CCDC7: variants seen among roughly 807,000 people sequenced by gnomAD.
CCDC7 encodes coiled-coil domain containing 7, also known as coiled-coil domain-containing protein 7.
CCDC7 carries 183 observed loss-of-function variants against 196.9 expected under a neutral mutation model. The observed-to-expected ratio is 0.93, with a 90% CI of 0.82 to 1.05. The LOEUF is 1.05. CCDC7 is among the 50% of genes least tolerant of loss of function. The probability of loss-of-function intolerance (pLI) is 0.00; values close to 1 mark genes in which losing one functional copy is unlikely to be tolerated. For synonymous variants in CCDC7, 525 were observed against 484.6 expected, an observed-to-expected ratio of 1.08 and a Z score of -1.10; for missense variants, 1,540 against 1,482.2, an observed-to-expected ratio of 1.04 and a Z score of -0.64.
chr10:32,638,696 C>G, intron 20 of CCDC7, among the ~76,000 whole-genome samples: 1 of 152,020 alleles, frequency 6.6e-6, no homozygotes, highest in East Asian at 1.9e-4. Context: ...ATTCTCTTTT[C>G]TTGTTGTGTC....
intron 8 of CCDC7, among the ~76,000 whole-genome samples, chr10:32,477,290 G>A (rs1003590742): frequency 2.0e-5 from 3 of 151,066 alleles, no homozygotes; most frequent in Admixed American, 6.6e-5. Flanking sequence ...TGCAACCTCC[G>A]CCTCCCTGTT....
chr10:32,579,872 T>C (rs1385134913), intron 16 of CCDC7, among the ~76,000 whole-genome samples: 1 of 152,064 alleles, frequency 6.6e-6, no homozygotes, highest in African/African-American at 2.4e-5. Flanking sequence ...TCCAATGGGG[T>C]TATTTCCCAC....
intron 21 of CCDC7, among the ~76,000 whole-genome samples, chr10:32,667,441 A>G (rs1488113722): frequency 1.3e-5 from 2 of 151,934 alleles, no homozygotes; most frequent in African/African-American, 2.4e-5. Flanking sequence ...TGAAGTCTTT[A>G]CCCATGCCTA....
chr10:32,827,582 G>A (rs1037429265), intron 32 of CCDC7, among the ~76,000 whole-genome samples: 2 of 151,108 alleles, frequency 1.3e-5, no homozygotes, highest in Admixed American at 1.3e-4. Flanking sequence ...CTCATAGATG[G>A]GAGTTGAACA....
intron 21 of CCDC7, among the ~76,000 whole-genome samples, chr10:32,680,986 G>A (rs1004197998): frequency 6.6e-6 from 1 of 152,294 alleles, no homozygotes; most frequent in African/African-American, 2.4e-5. Context: ...CAATGTGTAC[G>A]CTAGTCAGTG....
At chr10:32,674,870 A>C (rs1247682441) in intron 21 of CCDC7, among the ~76,000 whole-genome samples, 1 of 151,930 alleles carries the variant, frequency 6.6e-6, no homozygotes, top group African/African-American at 2.4e-5. Flanking sequence ...GTCTCTTGAC[A>C]TCTTAGTTAT....
chr10:32,800,755 A>G (rs1482062234), intron 29 of CCDC7, among the ~76,000 whole-genome samples: 1 of 152,192 alleles, frequency 6.6e-6, no homozygotes, highest in Non-Finnish European at 1.5e-5. Context: ...AAGTGGTTCA[A>G]GTTTACAAAC....
chr10:32,599,441 G>T (rs971572980), intron 18 of CCDC7, among the ~76,000 whole-genome samples: 3 of 151,978 alleles, frequency 2.0e-5, no homozygotes, highest in Non-Finnish European at 2.9e-5. Flanking sequence ...AGGGGAACTT[G>T]CTTTTGTCAT....
intron 33 of CCDC7, among the ~76,000 whole-genome samples, chr10:32,837,570 A>G (rs1399836615): frequency 6.6e-6 from 1 of 152,148 alleles, no homozygotes; most frequent in Non-Finnish European, 1.5e-5. Flanking sequence ...CCATCCCATT[A>G]CTGGGTATAT....
chr10:32,635,716 A>C (rs1337704557), intron 20 of CCDC7, among the ~76,000 whole-genome samples: 1 of 151,938 alleles, frequency 6.6e-6, no homozygotes, highest in East Asian at 1.9e-4. Flanking sequence ...TCTGATTGGT[A>C]TTTGCATGAT....
At chr10:32,652,230 T>C (rs2068900398) in intron 20 of CCDC7, among the ~76,000 whole-genome samples, 1 of 152,200 alleles carries the variant, frequency 6.6e-6, no homozygotes, top group Non-Finnish European at 1.5e-5. Flanking sequence ...TAAATGTAGC[T>C]ACTCCTGCTC....
intron 32 of CCDC7, among the ~76,000 whole-genome samples, chr10:32,834,612 G>A (rs140324923): frequency 6.6e-6 from 1 of 150,744 alleles, no homozygotes; most frequent in East Asian, 1.9e-4. Context: ...TTATATGATT[G>A]CTAAGAATGC....
rs77622630 is a variant in CCDC7 at position 32,721,591 on chromosome 10, A to G, written c.2570-5143A>G. On this transcript the variant is annotated intron_variant, in intron 25 of 41. Transcript: ENST00000639629. ...ATGTACTAGTAGCTGAATAGTCCCA[A>G]TAGTCCCTGGGACTTCTTTATATTT... is the stretch of plus-strand genomic sequence containing the variant. Among the ~76,000 whole-genome samples, 664 of 152,234 alleles carry G rather than the reference A, an allele frequency of 4.4e-3. 4 individuals are homozygous for G. The highest frequency in any genetic ancestry group is 0.015 in the African/African-American group (637 of 41,530).
intron 41 of CCDC7, among the ~76,000 whole-genome samples, chr10:32,865,173 A>AGAG (rs1238990833): frequency 2.0e-5 from 3 of 151,908 alleles, no homozygotes; most frequent in Non-Finnish European, 4.4e-5. Flanking sequence ...ATGGAGAAAA[A>AGAG]GTGTTTATAA....
intron 18 of CCDC7, among the ~76,000 whole-genome samples, chr10:32,607,075 A>G (rs558375805): frequency 4.1e-4 from 62 of 152,268 alleles, no homozygotes; most frequent in Admixed American, 8.5e-4. Flanking sequence ...CGTTCTCACA[A>G]TAGTGACTTC....
chr10:32,860,088 A>G (rs1386328572), intron 41 of CCDC7, among the ~76,000 whole-genome samples: 3 of 152,212 alleles, frequency 2.0e-5, no homozygotes, highest in Admixed American at 6.5e-5. Context: ...CCTGATACCA[A>G]AACCTGGCAG....
intron 9 of CCDC7, among the ~76,000 whole-genome samples, chr10:32,516,453 A>G (rs2047049326): frequency 6.6e-6 from 1 of 152,014 alleles, no homozygotes; most frequent in African/African-American, 2.4e-5. Flanking sequence ...ACACCCGGCT[A>G]ATTTTTGTAT....
At chr10:32,813,920 T>A (rs1392372293) in intron 30 of CCDC7, among the ~76,000 whole-genome samples, 1 of 152,172 alleles carries the variant, frequency 6.6e-6, no homozygotes, top group East Asian at 1.9e-4. Context: ...ATCCAGACAT[T>A]TCATTTTAAT....
chr10:32,464,029 C>T (rs1016501704), intron 5 of CCDC7, among the ~76,000 whole-genome samples: 2 of 152,082 alleles, frequency 1.3e-5, no homozygotes, highest in East Asian at 1.9e-4. Flanking sequence ...TTTCATCCAT[C>T]AACCTCTTTT....
Sources: allele counts gnomAD v4.1 joint callset (sites outside exome capture counted in the v4.1 genomes callset), GRCh38; gene constraint gnomAD v4.1.1; transcripts MANE v1.5; gene names NCBI Gene and HGNC (gene_info 2026-07-23, HGNC 2026-07-21).